The following SLC25A48 variants were observed in gnomAD, a reference collection of about 807,000 sequenced individuals.
SLC25A48 encodes solute carrier family 25 member 48.
SLC25A48 carries 29 observed loss-of-function variants against 32.2 expected under a neutral mutation model. The ratio of observed to expected loss-of-function variants is 0.90; its 90% CI spans 0.67 to 1.23. The LOEUF (loss-of-function observed/expected upper bound fraction) is 1.23, where lower values mean the gene tolerates loss of function less well. Ranked by LOEUF, SLC25A48 falls within the 50% of genes most tolerant of loss-of-function variation. SLC25A48 has a pLI of 0.00. For synonymous variants in SLC25A48, 164 were observed against 172.3 expected, an observed-to-expected ratio of 0.95 and a Z score of 0.38; for missense variants, 399 against 422.7, an observed-to-expected ratio of 0.94 and a Z score of 0.49.
chr5:135,654,527 T>G (rs942203264), intron 3 of SLC25A48, among the ~76,000 whole-genome samples: 1 of 152,184 alleles, frequency 6.6e-6, no homozygotes, highest in African/African-American at 2.4e-5. Context: ...GGGCCTAAAG[T>G]TGTTATAGGT....
At chr5:135,788,502 G>C (rs564501880) in intron 3 of SLC25A48, among the ~76,000 whole-genome samples, 218 of 151,356 alleles carry the variant, frequency 1.4e-3, no homozygotes, top group African/African-American at 5.1e-3. Context: ...CATGGGGTGG[G>C]GGTGTACACC....
rs531859335 is a variant in SLC25A48 at position 135,706,168 on chromosome 5, A to T, written c.-521+71212A>T. Reference sequence around the variant, plus strand: ...GGTAAACATAGCCTTTCTCCTGGCCACTTCCTCCAAACAGGGCCTGACTGG... The same window carrying T: ...GGTAAACATAGCCTTTCTCCTGGCCTCTTCCTCCAAACAGGGCCTGACTGG... On this transcript the variant is annotated intron_variant, in intron 3 of 10. Transcript: ENST00000646290. Among the ~76,000 whole-genome samples the T allele has an allele frequency of 1.9e-3, 283 of 152,224 alleles. 1 individual carries two copies. The highest frequency in any genetic ancestry group is 6.3e-3 in the African/African-American group (261 of 41,540).
At chr5:135,750,243 A>G (rs1252085604) in intron 3 of SLC25A48, among the ~76,000 whole-genome samples, 3 of 152,170 alleles carry the variant, frequency 2.0e-5, no homozygotes, top group Non-Finnish European at 4.4e-5. Flanking sequence ...CATTTTCATC[A>G]GTTATCAAGT....
chr5:135,837,260 C>T (rs1758614912), intron 1 of SLC25A48, among the ~76,000 whole-genome samples: 1 of 152,104 alleles, frequency 6.6e-6, no homozygotes, highest in Non-Finnish European at 1.5e-5. Context: ...ACCTCTCTGC[C>T]TCTGCCCAGT....
chr5:135,675,559 A>G (rs1753748404), intron 3 of SLC25A48, among the ~76,000 whole-genome samples: 2 of 152,048 alleles, frequency 1.3e-5, no homozygotes. Context: ...CCATTGGTCT[A>G]CATGTCTGTT....
chr5:135,605,375 G>A (rs1241794568), intron 1 of SLC25A48, among the ~76,000 whole-genome samples: 1 of 152,216 alleles, frequency 6.6e-6, no homozygotes, highest in African/African-American at 2.4e-5. Context: ...TGCATCTTCT[G>A]AGTGTGAGGA....
In SLC25A48 at chr5:135,880,035, G is replaced by A; in HGVS notation, c.881G>A (p.Gly294Glu). 2 of 1,536,262 alleles carry A rather than the reference G, an allele frequency of 1.3e-6. No individual in the cohort carries two copies. The highest frequency in any genetic ancestry group is 2.0e-5 in the Admixed American group (1 of 50,996). ...GFPMSAAMFL[G>E]YELSLQAIRG... The stretch of plus-strand genomic sequence containing the variant: ...CCCATGAGTGCGGCCATGTTCCTTG[G>A]GTACGAGCTGTCGCTGCAGGCTATC... Residue 294 changes from glycine to glutamate, a missense_variant, in exon 7 of 8, where the codon GGG becomes GAG. Physicochemically the swap from Gly to Glu is moderately conservative, Grantham distance 98 (BLOSUM62 -2). Transcript: ENST00000681962.
intron 3 of SLC25A48, among the ~76,000 whole-genome samples, chr5:135,718,620 A>G (rs1040896031): frequency 6.6e-5 from 10 of 152,232 alleles, no homozygotes; most frequent in African/African-American, 2.4e-4. Context: ...AATTGTAAAA[A>G]GAGAAATCCC....
In SLC25A48 at chr5:135,749,557, G is replaced by A. The variant is rs78355562; in HGVS notation, c.-520-62966G>A. ...GGTGATCACATCCACTAACACCTGA[G>A]GACCACTTCTTTTTTTATTGTTATT... is the stretch of plus-strand genomic sequence containing the variant. On this transcript the variant is annotated intron_variant, in intron 3 of 10. Coordinates refer to the SLC25A48 transcript ENST00000646290. Among the ~76,000 whole-genome samples the A allele has an allele frequency of 9.5e-3, 1,441 of 152,198 alleles. 30 individuals carry two copies. The highest frequency in any genetic ancestry group is 0.033 in the African/African-American group (1,353 of 41,520).
In SLC25A48 at chr5:135,781,293, T is replaced by G. The variant is rs1756711578; in HGVS notation, c.-520-31230T>G. On this transcript the variant is annotated intron_variant, in intron 3 of 10. Transcript: ENST00000646290. ...ATATTGCAGAAAGTGTACTCCCCAC[T>G]GTTATCTAAATCGTAATATGCAGAA... 1.7e-5 allele frequency among the ~76,000 whole-genome samples: 2 copies of G among 116,608 alleles called. 1 individual carries two copies. The highest frequency in any genetic ancestry group is 4.3e-4 in the East Asian group (2 of 4,638). 76.5% of individuals were successfully genotyped at this position (116,608 alleles called of 152,430 possible). A position where few individuals can be genotyped will look rare whatever the true frequency, so the allele number is the denominator to read the frequency against.
chr5:135,753,539 G>T (rs1309043482), intron 3 of SLC25A48, among the ~76,000 whole-genome samples: 1 of 151,928 alleles, frequency 6.6e-6, no homozygotes, highest in African/African-American at 2.4e-5. Context: ...ATCGTGGGGT[G>T]TACTGACAAG....
chr5:135,795,809 A>C (rs985338841), intron 3 of SLC25A48, among the ~76,000 whole-genome samples: 3 of 149,594 alleles, frequency 2.0e-5, no homozygotes, highest in African/African-American at 7.4e-5. Flanking sequence ...TACATGGTTC[A>C]TAATATCCAG....
intron 3 of SLC25A48, among the ~76,000 whole-genome samples, chr5:135,786,199 G>T (rs1561492153): frequency 6.6e-6 from 1 of 152,004 alleles, no homozygotes; most frequent in Non-Finnish European, 1.5e-5. Context: ...ATGGGGCAGG[G>T]GTGTAAAACC....
chr5:135,764,617 T>C (rs1441450744), intron 3 of SLC25A48, among the ~76,000 whole-genome samples: 1 of 151,672 alleles, frequency 6.6e-6, no homozygotes, highest in African/African-American at 2.4e-5. Flanking sequence ...CCCTGTGATA[T>C]GGTTCGTAAT....
intron 3 of SLC25A48, among the ~76,000 whole-genome samples, chr5:135,788,694 G>C (rs1317990476): frequency 1.3e-5 from 2 of 150,688 alleles, no homozygotes; most frequent in Non-Finnish European, 3.0e-5. Flanking sequence ...ATATCCAGGG[G>C]GGGAAGAGGG....
intron 3 of SLC25A48, among the ~76,000 whole-genome samples, chr5:135,721,174 T>C (rs1754943795): frequency 7.1e-6 from 1 of 140,692 alleles, no homozygotes. Context: ...CCAGAGTAGC[T>C]GGGACACCAT....
At chr5:135,649,652 A>G (rs1321095062) in intron 3 of SLC25A48, 2 of 152,518 alleles carry the variant, frequency 1.3e-5, no homozygotes, top group Admixed American at 6.5e-5. Context: ...ATCCCAGGCA[A>G]CACAACAGCA....
intron 6 of SLC25A48, among the ~76,000 whole-genome samples, chr5:135,877,789 G>A (rs182908857): frequency 1.3e-3 from 204 of 152,246 alleles, no homozygotes; most frequent in Non-Finnish European, 1.9e-3. Flanking sequence ...GATACCAAGT[G>A]CACAGAAGGT....
intron 3 of SLC25A48, among the ~76,000 whole-genome samples, chr5:135,759,389 T>C (rs977067178): frequency 2.0e-5 from 3 of 152,200 alleles, no homozygotes; most frequent in Non-Finnish European, 4.4e-5. Context: ...CCATTCTCTA[T>C]GGCTGAGCAT....
Sources: gnomAD v4.1 joint callset for allele counts (sites outside exome capture counted in the v4.1 genomes callset) on GRCh38, gnomAD v4.1.1 for gene constraint, MANE v1.5 for transcripts, NCBI Gene and HGNC (gene_info 2026-07-23, HGNC 2026-07-21) for gene names.